Variants in SCN11A observed in about 807,000 individuals in gnomAD.
SCN11A encodes the protein sodium voltage-gated channel alpha subunit 11, also known as sodium channel protein type 11 subunit alpha.
A neutral mutation model predicts 162.2 loss-of-function variants in SCN11A; 122 were observed. That is an observed-to-expected ratio of 0.75 (90% CI 0.65 to 0.87). SCN11A has a LOEUF of 0.87. Among genes scored for constraint, SCN11A ranks in the 40% least tolerant of loss-of-function variants. SCN11A has a pLI of 0.00. For synonymous variants in SCN11A, 758 were observed against 751.5 expected, an observed-to-expected ratio of 1.01 and a Z score of -0.14; for missense variants, 2,015 against 2,181.6, an observed-to-expected ratio of 0.92 and a Z score of 1.52.
intron 23 of SCN11A, among the ~76,000 whole-genome samples, chr3:38,877,082 A>G (rs1353911881): frequency 1.5e-5 from 2 of 129,510 alleles, no homozygotes; most frequent in African/African-American, 6.2e-5. Flanking sequence ...TGGTGTATAT[A>G]CTATATATAT....
intron 28 of SCN11A, among the ~76,000 whole-genome samples, chr3:38,852,160 G>A (rs905807741): frequency 1.3e-5 from 2 of 152,094 alleles, no homozygotes; most frequent in Non-Finnish European, 2.9e-5. Flanking sequence ...ATATCACTTG[G>A]GGAGAGCAAG....
intron 2 of SCN11A, among the ~76,000 whole-genome samples, chr3:39,022,689 C>A (rs1280195738): frequency 6.6e-6 from 1 of 152,056 alleles, no homozygotes; most frequent in Non-Finnish European, 1.5e-5. Flanking sequence ...TGAGACCAGC[C>A]TGGGCAACAT....
Position 38,973,161 on chromosome 3 carries a change from C to A in SCN11A, c.-279-12738G>T, listed in dbSNP as rs561770456. ...TGTAGCATAGGTGTAAGTTTGAAGA[C>A]CATGTCACTTTTTCTAAACAATATT... On this transcript the variant is annotated intron_variant, in intron 2 of 29. Transcript: ENST00000302328. 8.5e-5 allele frequency among the ~76,000 whole-genome samples: 13 copies of A among 152,170 alleles called. No homozygotes were observed. The East Asian group carries it at 1.9e-3, about 23-fold the overall frequency.
At chr3:39,022,860 C>T (rs942660281) in intron 2 of SCN11A, among the ~76,000 whole-genome samples, 1 of 151,610 alleles carries the variant, frequency 6.6e-6, no homozygotes, top group Non-Finnish European at 1.5e-5. Context: ...GCCTGGGTGA[C>T]AGAGCAAGAC....
intron 2 of SCN11A, among the ~76,000 whole-genome samples, chr3:38,970,029 A>G (rs2066807156): frequency 8.0e-6 from 1 of 124,376 alleles, no homozygotes; most frequent in African/African-American, 2.6e-5. Context: ...TGTCACCTGT[A>G]TCCACTCTTG....
intron 2 of SCN11A, among the ~76,000 whole-genome samples, chr3:38,998,820 C>T (rs1232631267): frequency 3.3e-5 from 5 of 149,270 alleles, no homozygotes; most frequent in African/African-American, 7.4e-5. Flanking sequence ...AAAAACCAAA[C>T]ACCACATGTT....
chr3:39,010,836 C>T (rs1330679951), intron 2 of SCN11A, among the ~76,000 whole-genome samples: 3 of 152,128 alleles, frequency 2.0e-5, no homozygotes, highest in East Asian at 1.9e-4. Context: ...TACATGTTTC[C>T]GAACTGGGGG....
chr3:38,885,267 T>A (rs772939760), intron 21 of SCN11A, 21 bp downstream of exon 21: 8 of 1,341,062 alleles, frequency 6.0e-6, no homozygotes, highest in Non-Finnish European at 8.6e-6. Context: ...GTGAACTGGA[T>A]GCAGAAATAC....
intron 4 of SCN11A, chr3:38,950,697 A>G (rs1460984132): frequency 9.9e-6 from 3 of 302,670 alleles, no homozygotes; most frequent in Non-Finnish European, 1.9e-5. Flanking sequence ...AAGCAAGACA[A>G]TAAGGCTGAG....
chr3:38,964,728 T>C (rs1402099445), intron 2 of SCN11A, among the ~76,000 whole-genome samples: 1 of 152,226 alleles, frequency 6.6e-6, no homozygotes, highest in Non-Finnish European at 1.5e-5. Context: ...TTCATGGAGA[T>C]GTGGTATTGC....
chr3:39,034,322 C>T (rs2031845197), intron 1 of SCN11A, among the ~76,000 whole-genome samples: 1 of 152,122 alleles, frequency 6.6e-6, no homozygotes, highest in Non-Finnish European at 1.5e-5. Context: ...TAAGGTGATA[C>T]AACATATTAA....
In SCN11A at chr3:39,048,006, A is replaced by G. The variant is rs142646503; in HGVS notation, c.-404+3855T>C. ...TAAAACTACAACTACCATATGATCC[A>G]GCAATCCCACTACTACCCAAAGAAC... On this transcript the variant is annotated intron_variant, in intron 1 of 29. Transcript: ENST00000302328. Among the ~76,000 whole-genome samples, 547 of 152,330 alleles carry G rather than the reference A, an allele frequency of 3.6e-3. 9 individuals carry two copies. The highest frequency in any genetic ancestry group is 0.013 in the African/African-American group (524 of 41,572).
intron 7 of SCN11A, among the ~76,000 whole-genome samples, chr3:38,928,993 A>G (rs2066189211): frequency 6.6e-6 from 1 of 152,208 alleles, no homozygotes; most frequent in South Asian, 2.1e-4. Flanking sequence ...ACCCATGATC[A>G]TAGCAGCACT....
chr3:38,890,658 C>T (rs750039241), intron 19 of SCN11A, among the ~76,000 whole-genome samples: 6 of 152,224 alleles, frequency 3.9e-5, no homozygotes, highest in African/African-American at 7.2e-5. Flanking sequence ...AGCAATTATC[C>T]AGCAATTAGT....
chr3:39,030,464 T>C (rs2031719535), intron 2 of SCN11A, among the ~76,000 whole-genome samples: 1 of 152,176 alleles, frequency 6.6e-6, no homozygotes, highest in Non-Finnish European at 1.5e-5. Flanking sequence ...GCCTGAGGAT[T>C]GTTGGTGCTT....
At position 38,910,180 on chromosome 3, in the gene SCN11A, C is replaced by T; in HGVS notation, c.987G>A (p.Lys329=). 1 of 1,613,414 alleles carries T rather than the reference C, an allele frequency of 6.2e-7. No homozygotes were observed. The highest frequency in any genetic ancestry group is 2.2e-5 in the East Asian group (1 of 44,854). The part of the protein sequence containing the change: ...NSACSIQYEC[K]HTKINPDYNY... ...TATAGTCAGGATTAATTTTGGTGTG[C>T]TTACATTCATATTGTATGGAACAGG... The change falls in exon 12 of 30, where the codon AAG becomes AAA. Residue 329 remains lysine (K), a synonymous_variant. Coordinates refer to ENST00000302328, the MANE Select transcript of SCN11A (RefSeq NM_001349253.2).
chr3:38,932,432 G>A (rs959224628), intron 7 of SCN11A, among the ~76,000 whole-genome samples: 1 of 152,214 alleles, frequency 6.6e-6, no homozygotes, highest in Non-Finnish European at 1.5e-5. Context: ...GCCTCACTCG[G>A]GAAGCACAAG....
intron 2 of SCN11A, among the ~76,000 whole-genome samples, chr3:38,980,668 G>A (rs2029996981): frequency 2.0e-5 from 3 of 152,152 alleles, no homozygotes; most frequent in South Asian, 4.2e-4. Flanking sequence ...GGGCTTTTTG[G>A]GTTTTCTGGA....
At chr3:38,950,448 TC>T in intron 4 of SCN11A, 79 bp from the exon 5 acceptor site, 1 of 1,420,000 alleles carries the variant, frequency 7.0e-7, no homozygotes, top group Non-Finnish European at 9.8e-7. Flanking sequence ...AGGATTCCAG[TC>T]TTAAAGGATG....
Sources: gnomAD v4.1 joint callset for allele counts (sites outside exome capture counted in the v4.1 genomes callset) on GRCh38, gnomAD v4.1.1 for gene constraint, MANE v1.5 for transcripts, NCBI Gene and HGNC (gene_info 2026-07-23, HGNC 2026-07-21) for gene names.